The following HMGB1 variants were observed in gnomAD, a reference collection of about 807,000 sequenced individuals.
The protein encoded by HMGB1 is high mobility group box 1.
For missense variants in HMGB1, 79 were observed against 253.5 expected (o/e 0.31, Z 4.67); for synonymous variants, 81 against 84.0 (o/e 0.96, Z 0.19).
intron 1 of HMGB1, among the ~76,000 whole-genome samples, chr13:30,475,525 TAAA>T (rs148513243): frequency 2.3e-5 from 3 of 131,514 alleles, no homozygotes; most frequent in Admixed American, 7.7e-5. Context: ...AGACCATCTC[TAAA>T]AAAAAAAAAA....
chr13:30,508,599 A>T (rs560780287), intron 1 of HMGB1, among the ~76,000 whole-genome samples: 1 of 152,296 alleles, frequency 6.6e-6, no homozygotes, highest in African/African-American at 2.4e-5. Flanking sequence ...CCTTGTACTC[A>T]GTTAAAACAG....
chr13:30,589,604 C>G (rs1871291824), intron 1 of HMGB1, among the ~76,000 whole-genome samples: 3 of 152,316 alleles, frequency 2.0e-5, no homozygotes, highest in Non-Finnish European at 1.5e-5. Context: ...CATGGTGGCT[C>G]ATGCCTGTAA....
upstream of HMGB1, among the ~76,000 whole-genome samples, chr13:30,467,980 T>C (rs548384409): frequency 3.9e-5 from 6 of 152,304 alleles, no homozygotes; most frequent in African/African-American, 1.2e-4. Context: ...GGCACTGGAA[T>C]TGAATAGACT....
At chr13:30,597,223 T>TAA (rs34686118) in intron 1 of HMGB1, among the ~76,000 whole-genome samples, 6,596 of 151,480 alleles carry the variant, frequency 0.044, 407 homozygotes, top group African/African-American at 0.14. Context: ...AGTGTCCTTA[T>TAA]AAAAAAAAGG....
At chr13:30,553,931 G>T in intron 1 of HMGB1, 11 of 1,444,942 alleles carry the variant, frequency 7.6e-6, no homozygotes, top group Non-Finnish European at 1.1e-5. Context: ...TCTTAACACC[G>T]GGTCCACTTC....
rs1370856276 is a variant in HMGB1 at position 30,460,002 on chromosome 13, T to C, written c.*1355A>G. Reference sequence around the variant, plus strand: ...ACTCCATCACAAAAGCGTGTAAAATTACAAGAACGCTATTTTAAAATACTG... The same window carrying C: ...ACTCCATCACAAAAGCGTGTAAAATCACAAGAACGCTATTTTAAAATACTG... On this transcript the variant is annotated 3_prime_UTR_variant, in exon 5 of 5. Coordinates refer to ENST00000341423, the MANE Select transcript of HMGB1 (RefSeq NM_002128.7). The C allele has an allele frequency of 6.6e-6, 1 of 152,530 alleles. No homozygotes were observed. The highest frequency in any genetic ancestry group is 2.4e-5 in the African/African-American group (1 of 41,408). The allele number at this position is 152,530 out of a possible 1,614,324, so 9.4% of individuals were successfully genotyped here. A position where few individuals can be genotyped will look rare whatever the true frequency, so the allele number is the denominator to read the frequency against.
chr13:30,611,254 G>A (rs540387807), intron 1 of HMGB1, among the ~76,000 whole-genome samples: 4 of 152,112 alleles, frequency 2.6e-5, no homozygotes, highest in African/African-American at 4.8e-5. Context: ...GCAGTGGTGC[G>A]ATCTTGGATC....
At chr13:30,602,367 C>T (rs941397184) in intron 1 of HMGB1, among the ~76,000 whole-genome samples, 2 of 152,222 alleles carry the variant, frequency 1.3e-5, no homozygotes, top group African/African-American at 4.8e-5. Flanking sequence ...AGGAAACTTC[C>T]AGTCACCTAC....
At chr13:30,528,985 C>G (rs904066921) in intron 1 of HMGB1, among the ~76,000 whole-genome samples, 6 of 140,904 alleles carry the variant, frequency 4.3e-5, no homozygotes, top group African/African-American at 8.0e-5. Flanking sequence ...GCCGAGATCG[C>G]GCCACTGCAC....
At chr13:30,574,763 G>A (rs956143016) in intron 1 of HMGB1, among the ~76,000 whole-genome samples, 15 of 152,182 alleles carry the variant, frequency 9.9e-5, no homozygotes, top group African/African-American at 3.6e-4. Flanking sequence ...GTAGAGGGCT[G>A]TCCTTACTGC....
At chr13:30,553,647 T>A (rs1467600906) in intron 1 of HMGB1, 5 of 687,054 alleles carry the variant, frequency 7.3e-6, no homozygotes, top group African/African-American at 1.8e-5. Context: ...CCATTTCTCT[T>A]AAGATTCACT....
intron 1 of HMGB1, among the ~76,000 whole-genome samples, chr13:30,596,184 C>T (rs1006248523): frequency 2.0e-4 from 31 of 152,158 alleles, no homozygotes; most frequent in African/African-American, 7.5e-4. Flanking sequence ...CAAAATACGG[C>T]ACTCTGACAA....
intron 1 of HMGB1, among the ~76,000 whole-genome samples, chr13:30,544,133 G>A (rs1464345634): frequency 1.3e-5 from 2 of 152,186 alleles, no homozygotes; most frequent in East Asian, 1.9e-4. Context: ...AGGTCCTAGC[G>A]ATGTCTCTCT....
intron 1 of HMGB1, among the ~76,000 whole-genome samples, chr13:30,515,686 TA>T (rs537265855): frequency 0.02 from 2,332 of 114,208 alleles, 23 homozygotes; most frequent in East Asian, 0.056. Context: ...ATTGAATTGC[TA>T]AAAAAAAAAA....
chr13:30,564,008 G>A (rs919974453), intron 1 of HMGB1, among the ~76,000 whole-genome samples: 19 of 152,178 alleles, frequency 1.2e-4, no homozygotes, highest in South Asian at 8.3e-4. Flanking sequence ...TAATAACTTC[G>A]TGGGCATGGT....
intron 1 of HMGB1, among the ~76,000 whole-genome samples, chr13:30,482,779 AT>A (rs34930270): frequency 8.8e-4 from 123 of 139,038 alleles, no homozygotes; most frequent in South Asian, 2.9e-3. Flanking sequence ...GTCTTTACCA[AT>A]TTTTTTTTTT....
intron 1 of HMGB1, among the ~76,000 whole-genome samples, chr13:30,610,304 T>C (rs1950502083): frequency 1.3e-5 from 2 of 152,178 alleles, no homozygotes; most frequent in African/African-American, 2.4e-5. Flanking sequence ...ATTGTAATAA[T>C]ACCCATTTAA....
chr13:30,558,685 A>G (rs1463097048), intron 1 of HMGB1, among the ~76,000 whole-genome samples: 1 of 152,208 alleles, frequency 6.6e-6, no homozygotes, highest in East Asian at 1.9e-4. Context: ...AGATAGAATC[A>G]AGCCATTCAA....
chr13:30,518,802 C>T (rs561558642), intron 1 of HMGB1, among the ~76,000 whole-genome samples: 2 of 147,904 alleles, frequency 1.4e-5, no homozygotes, highest in East Asian at 3.9e-4. Context: ...ACTTCCCAGG[C>T]TCAAGCGAGC....
Sources: allele counts gnomAD v4.1 joint callset (sites outside exome capture counted in the v4.1 genomes callset), GRCh38; gene constraint gnomAD v4.1.1; transcripts MANE v1.5; gene names NCBI Gene and HGNC (gene_info 2026-07-23, HGNC 2026-07-21).